The following PRX variants were observed in gnomAD, a reference collection of about 807,000 sequenced individuals.
The protein encoded by PRX is periaxin.
In PRX, 24 loss-of-function variants were observed where a neutral mutation model predicts 29.6. That is an observed-to-expected ratio of 0.81 (90% CI 0.59 to 1.14). The LOEUF (loss-of-function observed/expected upper bound fraction) is 1.14, where lower values mean the gene tolerates loss of function less well. PRX is among the 50% of genes most tolerant of loss of function. The probability of loss-of-function intolerance (pLI) is 0.00; values close to 1 mark genes in which losing one functional copy is unlikely to be tolerated. For synonymous variants in PRX, 772 were observed against 831.7 expected (o/e 0.93, Z 1.24); for missense variants, 1,838 against 1,926.4 (o/e 0.95, Z 0.86).
chr19:40,395,414 C>T lies in PRX; in HGVS notation c.2938G>A (p.Ala980Thr), dbSNP rs562422065. 1.2e-6 allele frequency: 2 copies of T among 1,613,912 alleles called. No homozygotes were observed. The highest frequency in any genetic ancestry group is 1.7e-6 in the Non-Finnish European group (2 of 1,179,986). ...GCAGGCAGCAGGCCTGCCTCCCCAG[C>T]CCCTTTGGCCTCAGCCTCAGCCCCC... ...RVGAEAEAKG[A>T]GEAGLLPALD... Residue 980 changes from alanine to threonine, a missense_variant, in exon 7 of 7, where the codon GCT becomes ACT. Ala to Thr is a moderately conservative substitution (Grantham distance 58). This residue lies in a region of PRX where 1,143 missense variants were observed against 1,193.0 expected (regional missense o/e 0.96). Transcript: ENST00000324001.
chr19:40,394,708 G>T lies in PRX; in HGVS notation c.3644C>A (p.Thr1215Asn). Residue 1215 changes from threonine to asparagine, a missense_variant, in exon 7 of 7, where the codon ACC becomes AAC. Coordinates refer to ENST00000324001, the MANE Select transcript of PRX (RefSeq NM_181882.3). The surrounding 1 kb of genome is among the most constrained non-coding windows in gnomAD (Gnocchi z 5.8). ...CAGCTCAAGCTGGGGCACTGTCACG[G>T]TGGGCATCTTAAAGACACCCTCACC... ...LVGEGVFKMP[T>N]VTVPQLELDV... 1.2e-6 allele frequency: 2 copies of T among 1,611,842 alleles called. No individual in the cohort carries two copies.
At position 40,398,264 on chromosome 19, in the gene PRX, G is replaced by C. The variant is rs1163779922; in HGVS notation, c.382-294C>G. ...CTCATTCTAGAGATGGGGAAACTGA[G>C]GCCCAGGGAGAGAAACAACTTTGTC... is the stretch of plus-strand genomic sequence containing the variant. On this transcript the variant is annotated intron_variant, in intron 6 of 6. Coordinates refer to ENST00000324001, the MANE Select transcript of PRX (RefSeq NM_181882.3). This position sits in a 1 kb window ranked among gnomAD's most constrained non-coding sequence, Gnocchi z 6.3. The C allele has an allele frequency of 7.1e-7, 1 of 1,414,278 alleles. No homozygotes were observed. Among genetic ancestry groups the C allele is most frequent in the Admixed American group, 3.0e-5 (1 of 33,428 alleles). 87.6% of individuals were successfully genotyped at this position (1,414,278 alleles called of 1,614,324 possible).
rs374193988 is a variant in PRX, at chr19:40,397,850, G to A, written c.502C>T (p.Arg168Trp). Residue 168 changes from arginine to tryptophan, a missense_variant, in exon 7 of 7, where the codon CGG (arginine) becomes TGG (tryptophan). Arg to Trp is a moderately radical substitution (Grantham distance 101, BLOSUM62 -3). Around this residue, in one of 3 missense-constraint regions of PRX, gnomAD observed 666 missense variants for 665.0 expected, o/e 1.00. Coordinates refer to ENST00000324001, the MANE Select transcript of PRX (RefSeq NM_181882.3). ...FSFPKFSRLR[R>W]GLKAEAVKGP... is the part of the protein sequence containing the mutation. ...TTGACAGCCTCGGCTTTGAGGCCCCGACGCAGGCGGGAGAACTTGGGAAAG... is the reference window on the plus strand; with the variant it reads ...TTGACAGCCTCGGCTTTGAGGCCCCAACGCAGGCGGGAGAACTTGGGAAAG... 31 of 1,604,154 alleles carry A rather than the reference G, an allele frequency of 1.9e-5. No individual in the cohort carries two copies. Among genetic ancestry groups the A allele is most frequent in the Non-Finnish European group, 2.5e-5 (29 of 1,176,116 alleles).
rs550049072 is a variant in PRX, at chr19:40,398,736, G to A, written c.265C>T (p.Pro89Ser). ...DALRLLQCAE[P>S]YKVSFCLKRT... ...TTCAGGCAGAAGGAGACTTTGTAAG[G>A]CTCGGCGCATTGCAGCAGGCGTAGT... The change falls in exon 6 of 7, where the codon CCT (proline) becomes TCT (serine). Residue 89 changes from proline to serine, a missense_variant. By Grantham distance (74) the Pro-to-Ser change is moderately conservative. This residue lies in a region of PRX where 666 missense variants were observed against 665.0 expected (regional missense o/e 1.00). Coordinates refer to ENST00000324001, the MANE Select transcript of PRX (RefSeq NM_181882.3). The surrounding 1 kb of genome is among the most constrained non-coding windows in gnomAD (Gnocchi z 6.3). The A allele has an allele frequency of 2.5e-6, 4 of 1,614,092 alleles. No homozygotes were observed. The highest frequency in any genetic ancestry group is 2.2e-5 in the East Asian group (1 of 44,878).
chr19:40,411,975 G>T (rs1252041997), intron 1 of PRX, among the ~76,000 whole-genome samples: 1 of 152,218 alleles, frequency 6.6e-6, no homozygotes, highest in Non-Finnish European at 1.5e-5. Context: ...TTAAATCTTT[G>T]TAACATCTCC....
In PRX at chr19:40,397,331, C is replaced by A. The variant is rs750822167; in HGVS notation, c.1021G>T (p.Gly341Cys). ...PTVGVDLALP[G>C]AEVEARGEAP... ...TCTCCCCGGGCCTCCACCTCTGCAC[C>A]CGGCAAGGCCAGGTCCACCCCCACA... is the stretch of plus-strand genomic sequence containing the variant. The change falls in exon 7 of 7, where the codon GGT becomes TGT. Residue 341 changes from glycine to cysteine, a missense_variant. Physicochemically the swap from Gly to Cys is radical, Grantham distance 159 (BLOSUM62 -3). Transcript: ENST00000324001. 6.2e-7 allele frequency: 1 copy of A among 1,613,118 alleles called. No individual in the cohort carries two copies. Among genetic ancestry groups the A allele is most frequent in the East Asian group, 2.2e-5 (1 of 44,878 alleles).
At chr19:40,405,628 T>A (rs1162683743) in intron 4 of PRX, among the ~76,000 whole-genome samples, 2 of 4,768 alleles carry the variant, frequency 4.2e-4, no homozygotes, top group Non-Finnish European at 3.6e-4. Flanking sequence ...CAGAATCTCT[T>A]TTTTTTTTTT....
intron 4 of PRX, 119 bp from the exon 5 acceptor site, chr19:40,403,981 G>A: frequency 3.3e-6 from 4 of 1,204,710 alleles, no homozygotes; most frequent in Non-Finnish European, 3.5e-6. Context: ...TTAGAGACGG[G>A]GGTGGGGGAC....
chr19:40,397,252 G>A lies in PRX; in HGVS notation c.1100C>T (p.Ala367Val), dbSNP rs143400291. Residue 367 changes from alanine to valine, a missense_variant, in exon 7 of 7, where the codon GCT becomes GTT. By Grantham distance (64) the Ala-to-Val change is moderately conservative. Coordinates refer to ENST00000324001, the MANE Select transcript of PRX (RefSeq NM_181882.3). ...GGCCTCAGCAACTTCCTTTGCTCGA[G>A]CCCCAAATCGGGGAAAACTAAGGCG... ...MPRLSFPRFGARAKEVAEAKV... is the reference protein window; with the variant it reads ...MPRLSFPRFGVRAKEVAEAKV... 3.7e-6 allele frequency: 6 copies of A among 1,613,708 alleles called. No individual in the cohort carries two copies. The South Asian group carries it at 4.4e-5, about 12-fold the overall frequency.
At chr19:40,401,915 G>A (rs1030533331) in intron 5 of PRX, among the ~76,000 whole-genome samples, 3 of 151,868 alleles carry the variant, frequency 2.0e-5, no homozygotes, top group African/African-American at 4.8e-5. Flanking sequence ...CACCACACCC[G>A]GCTAATTTTT....
chr19:40,414,644 AG>A (rs2079572911), upstream of PRX, among the ~76,000 whole-genome samples: 1 of 152,086 alleles, frequency 6.6e-6, no homozygotes, highest in African/African-American at 2.4e-5. Flanking sequence ...CAAAGCTACC[AG>A]GCCTCACCCC....
rs1009390263 is a variant in PRX, at chr19:40,408,244, G to A, written c.-186C>T. Reference sequence around the variant, plus strand: ...TCTGCAGGGCTCACGCCCTTCCGTGGGGTTCTTGCTGCCTGCCAGGGAAAG... The same window carrying A: ...TCTGCAGGGCTCACGCCCTTCCGTGAGGTTCTTGCTGCCTGCCAGGGAAAG... On this transcript the variant is annotated 5_prime_UTR_variant, in exon 3 of 7. Coordinates refer to ENST00000324001, the MANE Select transcript of PRX (RefSeq NM_181882.3). 1.9e-6 allele frequency: 1 copy of A among 526,150 alleles called. No homozygotes were observed. Among genetic ancestry groups the A allele is most frequent in the Non-Finnish European group, 3.4e-6 (1 of 290,266 alleles). The allele number at this position is 526,150 out of a possible 1,614,324, so 32.6% of individuals were successfully genotyped here.
Position 40,395,323 on chromosome 19 carries a change from G to A in PRX, c.3029C>T (p.Ala1010Val). 1 of 1,613,560 alleles carries A rather than the reference G, an allele frequency of 6.2e-7. No individual in the cohort carries two copies. The highest frequency in any genetic ancestry group is 8.5e-7 in the Non-Finnish European group (1 of 1,180,030). ...CCCCTTGAACTTGAGGTCGGCCCCT[G>A]CCACCTCTACCTTGCCTGAGGGCAG... ...AHLPSGKVEV[A>V]GADLKFKGPR... The change falls in exon 7 of 7, where the codon GCA becomes GTA. Residue 1010 changes from alanine to valine, a missense_variant. Ala to Val is a moderately conservative substitution (Grantham distance 64). Coordinates refer to ENST00000324001, the MANE Select transcript of PRX (RefSeq NM_181882.3).
Position 40,397,577 on chromosome 19 carries a change from A to AGG in PRX, c.773_774dup (p.Ser259ProfsTer55), listed in dbSNP as rs1599656136. 6.5e-7 allele frequency: 1 copy of AGG among 1,542,044 alleles called. No individual in the cohort carries two copies. The highest frequency in any genetic ancestry group is 8.7e-7 in the Non-Finnish European group (1 of 1,146,964). On this transcript the variant is annotated frameshift_variant, in exon 7 of 7. Coordinates refer to ENST00000324001, the MANE Select transcript of PRX (RefSeq NM_181882.3). LOFTEE classifies it low-confidence loss of function (END_TRUNC). ...GCAAAGCCACCAGCTGCCTCTGCTG[A>AGG]GGGGGCAGCCTTGGGGGCTGAGACC...
rs777917125 is a variant in PRX, at chr19:40,394,707, G to A, written c.3645C>T (p.Thr1215=). 14 of 1,611,730 alleles carry A rather than the reference G, an allele frequency of 8.7e-6. No homozygotes were observed. The highest frequency in any genetic ancestry group is 4.5e-5 in the East Asian group (2 of 44,882). The change falls in exon 7 of 7, where the codon ACC becomes ACT. Residue 1215 remains threonine (T), a synonymous_variant. Transcript: ENST00000324001. This position sits in a 1 kb window ranked among gnomAD's most constrained non-coding sequence, Gnocchi z 5.8. The part of the protein sequence containing the change: ...LVGEGVFKMP[T]VTVPQLELDV... ...CCAGCTCAAGCTGGGGCACTGTCAC[G>A]GTGGGCATCTTAAAGACACCCTCAC...
chr19:40,396,158 C>A lies in PRX; in HGVS notation c.2194G>T (p.Val732Leu). ...MKLPEIKLPK[V>L]PEMAVPDVHL... ...ACATCGGGCACAGCCATCTCAGGCA[C>A]CTTGGGGAGTTTTATCTCTGGGAGC... The change falls in exon 7 of 7, where the codon GTG becomes TTG. Residue 732 changes from valine to leucine, a missense_variant. Val to Leu is a conservative substitution (Grantham distance 32). This residue lies in a region of PRX where 1,143 missense variants were observed against 1,193.0 expected (regional missense o/e 0.96). Transcript: ENST00000324001. 4 of 1,612,974 alleles carry A rather than the reference C, an allele frequency of 2.5e-6. No individual in the cohort carries two copies. The highest frequency in any genetic ancestry group is 3.4e-6 in the Non-Finnish European group (4 of 1,179,464).
intron 5 of PRX, among the ~76,000 whole-genome samples, chr19:40,399,910 T>TTTC (rs879786080): frequency 9.1e-6 from 1 of 109,382 alleles, no homozygotes; most frequent in Non-Finnish European, 1.9e-5. Context: ...TTTCTTTTTC[T>TTTC]TTCTTTCTTT....
At chr19:40,409,134 G>A (rs140503014) in intron 1 of PRX, among the ~76,000 whole-genome samples, 7,496 of 152,162 alleles carry the variant, frequency 0.049, 341 homozygotes, top group African/African-American at 0.11. Context: ...TTACAGGCAT[G>A]AGCCTCCACA....
At chr19:40,410,889 A>G (rs1171365021) in intron 1 of PRX, among the ~76,000 whole-genome samples, 1 of 152,126 alleles carries the variant, frequency 6.6e-6, no homozygotes, top group Non-Finnish European at 1.5e-5. Context: ...AAAAATAAAA[A>G]TAAAAAAAGC....
Sources: gnomAD v4.1 joint callset for allele counts (sites outside exome capture counted in the v4.1 genomes callset) on GRCh38, gnomAD v4.1.1 for gene constraint, gnomAD v4.1.1 regional missense constraint, Gnocchi (gnomAD v3.1) non-coding constraint, MANE v1.5 for transcripts, NCBI Gene and HGNC (gene_info 2026-07-23, HGNC 2026-07-21) for gene names.